The following MLX variants were observed in gnomAD, a reference collection of about 807,000 sequenced individuals.
MLX encodes the protein max-like protein X.
A neutral mutation model predicts 33.0 loss-of-function variants in MLX; 15 were observed. The ratio of observed to expected loss-of-function variants is 0.45; its 90% CI spans 0.30 to 0.70. The LOEUF is 0.70. MLX is among the 30% of genes least tolerant of loss of function. The pLI is 0.07. For synonymous variants in MLX, 115 were observed against 115.6 expected, an observed-to-expected ratio of 0.99 and a Z score of 0.03; for missense variants, 285 against 306.3, an observed-to-expected ratio of 0.93 and a Z score of 0.52.
In MLX at chr17:42,572,725, A is replaced by G. The variant is rs1199636572; in HGVS notation, c.*1122A>G. 2 of 627,854 alleles carry G rather than the reference A, an allele frequency of 3.2e-6. No individual in the cohort carries two copies. Among genetic ancestry groups the G allele is most frequent in the Admixed American group, 4.2e-5 (2 of 47,926 alleles). 38.9% of individuals were successfully genotyped at this position (627,854 alleles called of 1,614,324 possible). ...AATGCTTTCCTTTAGCATTGTTCCA[A>G]GTCTAAATGTTAACCTCAAGCTACT... is the stretch of plus-strand genomic sequence containing the variant. On this transcript the variant is annotated 3_prime_UTR_variant, in exon 8 of 8. Transcript: ENST00000435881.
In MLX at chr17:42,568,518, A is replaced by C; in HGVS notation, c.128A>C (p.Asn43Thr). ...AAGGGGAGTGTAGTGTCCAGAGCTAATAGCATCGGTTCCACCAGTGCCTCT... is the reference window on the plus strand; with the variant it reads ...AAGGGGAGTGTAGTGTCCAGAGCTACTAGCATCGGTTCCACCAGTGCCTCT... ...TRKGSVVSRA[N>T]SIGSTSASSV... Residue 43 changes from asparagine to threonine, a missense_variant, in exon 3 of 8, where the codon AAT (asparagine) becomes ACT (threonine). Asn to Thr is a moderately conservative substitution (Grantham distance 65, BLOSUM62 0). Coordinates refer to ENST00000435881, the MANE Select transcript of MLX (RefSeq NM_198204.2). The C allele has an allele frequency of 3.1e-6, 5 of 1,613,926 alleles. No homozygotes were observed. The highest frequency in any genetic ancestry group is 4.2e-6 in the Non-Finnish European group (5 of 1,179,896).
At position 42,572,181 on chromosome 17, in the gene MLX, G is replaced by A. The variant is rs1037004526; in HGVS notation, c.*578G>A. The A allele has an allele frequency of 1.7e-5, 6 of 349,362 alleles. No homozygotes were observed. Among genetic ancestry groups the A allele is most frequent in the African/African-American group, 1.3e-4 (6 of 46,440 alleles). The allele number at this position is 349,362 out of a possible 1,614,324, so 21.6% of individuals were successfully genotyped here. ...AAGGGCTTTCTGGCCATCTCAGGGA[G>A]GGGCCACCAGGTTCCTCCCCTCACC... is the stretch of plus-strand genomic sequence containing the variant. On this transcript the variant is annotated 3_prime_UTR_variant, in exon 8 of 8. Transcript: ENST00000435881.
intron 7 of MLX, 43 bp downstream of exon 7, chr17:42,570,226 C>CTG: frequency 6.3e-7 from 1 of 1,594,594 alleles, no homozygotes; most frequent in Non-Finnish European, 8.6e-7. Context: ...TTTTCTCTAC[C>CTG]ATCAAGCAAA....
At position 42,572,395 on chromosome 17, in the gene MLX, T is replaced by C; in HGVS notation, c.*792T>C. 1 of 454,666 alleles carries C rather than the reference T, an allele frequency of 2.2e-6. No individual in the cohort carries two copies. 28.2% of individuals were successfully genotyped at this position (454,666 alleles called of 1,614,324 possible). On this transcript the variant is annotated 3_prime_UTR_variant, in exon 8 of 8. Transcript: ENST00000435881. ...TTGAAATATTAACTGAGCCTCAAAATCACCCTTTCTGTCAAGCATATCTTG... is the reference window on the plus strand; with the variant it reads ...TTGAAATATTAACTGAGCCTCAAAACCACCCTTTCTGTCAAGCATATCTTG...
Position 42,571,828 on chromosome 17 carries a change from C to T in MLX, c.*225C>T, listed in dbSNP as rs2093034466. 1 of 552,618 alleles carries T rather than the reference C, an allele frequency of 1.8e-6. No individual in the cohort carries two copies. Among genetic ancestry groups the T allele is most frequent in the Non-Finnish European group, 3.3e-6 (1 of 307,550 alleles). 34.2% of individuals were successfully genotyped at this position (552,618 alleles called of 1,614,324 possible). On this transcript the variant is annotated 3_prime_UTR_variant, in exon 8 of 8. Coordinates refer to ENST00000435881, the MANE Select transcript of MLX (RefSeq NM_198204.2). Reference sequence around the variant, plus strand: ...TATTATATTGACGATAAAACTCAAACCTACCCAGCCTTCCCCCCACTCCAT... The same window carrying T: ...TATTATATTGACGATAAAACTCAAATCTACCCAGCCTTCCCCCCACTCCAT...
intron 2 of MLX, chr17:42,568,264 G>A: frequency 3.5e-6 from 1 of 282,702 alleles, no homozygotes; most frequent in South Asian, 4.2e-5. Flanking sequence ...TCGGGAGGCT[G>A]AGGCAGGAGA....
chr17:42,567,951 C>T, intron 2 of MLX: 1 of 526,134 alleles, frequency 1.9e-6, no homozygotes, highest in Non-Finnish European at 3.4e-6. Flanking sequence ...GGGTATCATG[C>T]AGGCCTATGG....
At position 42,567,785 on chromosome 17, in the gene MLX, A is replaced by G. The variant is rs990258975; in HGVS notation, c.79+130A>G. ...AGCAGAGTTCCTGGCTTGAGACAGCAGGAGCTGAAGGACAAGGGCAGAAAA... is the reference window on the plus strand; with the variant it reads ...AGCAGAGTTCCTGGCTTGAGACAGCGGGAGCTGAAGGACAAGGGCAGAAAA... On this transcript the variant is annotated intron_variant, in intron 2 of 7. Transcript: ENST00000435881. 8 of 1,210,644 alleles carry G rather than the reference A, an allele frequency of 6.6e-6. No individual in the cohort carries two copies. The Admixed American group carries it at 1.6e-4, about 25-fold the overall frequency. The allele number at this position is 1,210,644 out of a possible 1,614,324, so 75.0% of individuals were successfully genotyped here. A position where few individuals can be genotyped will look rare whatever the true frequency, so the allele number is the denominator to read the frequency against.
chr17:42,570,177 G>A lies in MLX; in HGVS notation c.672G>A (p.Lys224=), dbSNP rs774055169. The A allele has an allele frequency of 6.2e-7, 1 of 1,613,578 alleles. No homozygotes were observed. Among genetic ancestry groups the A allele is most frequent in the Non-Finnish European group, 8.5e-7 (1 of 1,180,026 alleles). The change falls in exon 7 of 8, where the codon AAG becomes AAA. Residue 224 remains lysine (K), a synonymous_variant. Transcript: ENST00000435881. The part of the protein sequence containing the change: ...CVFSWIEEHC[K]PQTLREIVIG... ...TCAGCTGGATCGAGGAGCACTGTAA[G>A]CCTCAGGTATGGGGCAACAATAGGC...
intron 7 of MLX, 112 bp downstream of exon 7, chr17:42,570,295 C>T (rs915177726): frequency 1.4e-5 from 14 of 1,005,194 alleles, no homozygotes; most frequent in African/African-American, 9.6e-5. Context: ...ATCTTAAGGG[C>T]GTTTCTACAG....
intron 7 of MLX, 122 bp downstream of exon 7, chr17:42,570,305 G>T: frequency 1.2e-6 from 1 of 848,244 alleles, no homozygotes. Context: ...CGTTTCTACA[G>T]CTTTGAGGGC....
In MLX at chr17:42,568,833, G is replaced by A. The variant is rs564679137; in HGVS notation, c.170-4G>A. 1.4e-5 allele frequency: 23 copies of A among 1,600,292 alleles called. No homozygotes were observed. The highest frequency in any genetic ancestry group is 1.3e-4 in the African/African-American group (10 of 74,672). On this transcript the variant is annotated splice_region_variant and splice_polypyrimidine_tract_variant and intron_variant, in intron 3 of 7. Coordinates refer to ENST00000435881, the MANE Select transcript of MLX (RefSeq NM_198204.2). ...CCTTTCCCTGCCCCCATCTCTGAGC[G>A]TAGATGATGAGGACAGTGATTACCA...
rs577998224 is a variant in MLX, at chr17:42,570,108, C to T, written c.603C>T (p.Ala201=). Residue 201 remains alanine, a synonymous_variant, in exon 7 of 8, where the codon GCC becomes GCT. Coordinates refer to ENST00000435881, the MANE Select transcript of MLX (RefSeq NM_198204.2). ...ATTCCCTGTTCCAGTCCTTCAATGC[C>T]TCCATCTCAGTGGCCAGCTTCCAGG... is the stretch of plus-strand genomic sequence containing the variant. ...IMDSLFQSFN[A]SISVASFQEL... is the part of the protein sequence containing the mutation. 2.5e-6 allele frequency: 4 copies of T among 1,614,144 alleles called. No homozygotes were observed. In the East Asian group the frequency reaches 8.9e-5, roughly 36 times the overall value.
intron 6 of MLX, 86 bp from the exon 7 acceptor site, chr17:42,569,896 C>A: frequency 7.6e-7 from 1 of 1,313,844 alleles, no homozygotes; most frequent in Non-Finnish European, 1.1e-6. Context: ...GGCTGCCATT[C>A]CTGGGAGTAC....
chr17:42,568,567 G>C lies in MLX; in HGVS notation c.169+8G>C. The C allele has an allele frequency of 6.2e-7, 1 of 1,611,228 alleles. No homozygotes were observed. The highest frequency in any genetic ancestry group is 8.5e-7 in the Non-Finnish European group (1 of 1,177,470). On this transcript the variant is annotated splice_region_variant and intron_variant, in intron 3 of 7. Transcript: ENST00000435881. Reference sequence around the variant, plus strand: ...CTTCTGTCCCCAACACAGGTAGGCAGTAACATCCCCCCCGACCTCGGGGGG... The same window carrying C: ...CTTCTGTCCCCAACACAGGTAGGCACTAACATCCCCCCCGACCTCGGGGGG...
chr17:42,569,164 C>G (rs769504088), intron 4 of MLX, 40 bp from the exon 5 acceptor site: 1 of 1,579,706 alleles, frequency 6.3e-7, no homozygotes, highest in African/African-American at 1.3e-5. Flanking sequence ...GCTTTAATCT[C>G]TCAGGGTTAA....
In MLX at chr17:42,567,572, C is replaced by A. The variant is rs772273593; in HGVS notation, c.43-47C>A. On this transcript the variant is annotated intron_variant, in intron 1 of 7. Coordinates refer to ENST00000435881, the MANE Select transcript of MLX (RefSeq NM_198204.2). Reference sequence around the variant, plus strand: ...GCCTGCAGTGGAAGGGGCGCCTCCCCCTAGGGGCGGAGGTCTGACGGGCCC... The same window carrying A: ...GCCTGCAGTGGAAGGGGCGCCTCCCACTAGGGGCGGAGGTCTGACGGGCCC... 1.8e-5 allele frequency: 29 copies of A among 1,613,040 alleles called. No individual in the cohort carries two copies. The Admixed American group carries it at 4.7e-4, about 26-fold the overall frequency.
In MLX at chr17:42,572,938, C is replaced by T. The variant is rs2093043974; in HGVS notation, c.*1335C>T. On this transcript the variant is annotated 3_prime_UTR_variant, in exon 8 of 8. Transcript: ENST00000435881. ...GACATCTCACTCTTCTGACATCCTGCAGTCCCCACCAGTCCTGACCGTGGG... is the reference window on the plus strand; with the variant it reads ...GACATCTCACTCTTCTGACATCCTGTAGTCCCCACCAGTCCTGACCGTGGG... 3 of 1,611,668 alleles carry T rather than the reference C, an allele frequency of 1.9e-6. No individual in the cohort carries two copies. Among genetic ancestry groups the T allele is most frequent in the African/African-American group, 1.3e-5 (1 of 74,968 alleles).
chr17:42,569,865 C>G, intron 6 of MLX, 117 bp from the exon 7 acceptor site: 1 of 986,742 alleles, frequency 1.0e-6, no homozygotes, highest in Non-Finnish European at 1.6e-6. Flanking sequence ...TGATACTGAA[C>G]CCCACCCAGA....
Sources: gnomAD v4.1 joint callset for allele counts on GRCh38, gnomAD v4.1.1 for gene constraint, MANE v1.5 for transcripts, NCBI Gene and HGNC (gene_info 2026-07-23, HGNC 2026-07-21) for gene names.